RBM20: variants seen among roughly 807,000 people sequenced by gnomAD.
RBM20 encodes RNA binding motif protein 20.
RBM20 carries 51 observed loss-of-function variants against 110.1 expected under a neutral mutation model. The ratio of observed to expected loss-of-function variants is 0.46; its 90% CI spans 0.37 to 0.59. The LOEUF is 0.59. Ranked by LOEUF, RBM20 falls within the 20% of genes least tolerant of loss-of-function variation. The probability of loss-of-function intolerance (pLI) is 0.00; values close to 1 mark genes in which losing one functional copy is unlikely to be tolerated. For synonymous variants in RBM20, 589 were observed against 618.2 expected, an observed-to-expected ratio of 0.95 and a Z score of 0.70; for missense variants, 1,512 against 1,574.9, an observed-to-expected ratio of 0.96 and a Z score of 0.68.
chr10:110,794,898 G>A (rs1443593061), intron 5 of RBM20, among the ~76,000 whole-genome samples: 3 of 152,246 alleles, frequency 2.0e-5, no homozygotes, highest in Admixed American at 6.5e-5. Context: ...GCTGTGCTAT[G>A]TTCCAATAAA....
chr10:110,644,742 G>C lies in RBM20; in HGVS notation c.191+97G>C, dbSNP rs1338586423. On this transcript the variant is annotated intron_variant, in intron 1 of 13. Coordinates refer to ENST00000369519, the MANE Select transcript of RBM20 (RefSeq NM_001134363.3). The surrounding 1 kb of genome is among the most constrained non-coding windows in gnomAD (Gnocchi z 4.3). ...TCATTTCCCGTCCCTGCTGAACTTC[G>C]CTCGCCCCCCTTGGGTTTGAAGTTT... 9 of 948,234 alleles carry C rather than the reference G, an allele frequency of 9.5e-6. No homozygotes were observed. Among genetic ancestry groups the C allele is most frequent in the Non-Finnish European group, 1.5e-6 (1 of 678,034 alleles). 58.7% of individuals were successfully genotyped at this position (948,234 alleles called of 1,614,324 possible).
At chr10:110,773,832 TC>T (rs1292713059) in intron 1 of RBM20, among the ~76,000 whole-genome samples, 1 of 152,162 alleles carries the variant, frequency 6.6e-6, no homozygotes, top group Non-Finnish European at 1.5e-5. Flanking sequence ...GACTGCATAG[TC>T]CCCTGGTTCT....
At chr10:110,719,345 T>C (rs1226235152) in intron 1 of RBM20, among the ~76,000 whole-genome samples, 4 of 152,258 alleles carry the variant, frequency 2.6e-5, no homozygotes, top group African/African-American at 9.6e-5. Context: ...ACAGAGGTCT[T>C]GGTCTCTTGC....
At chr10:110,756,740 C>G (rs773297740) in intron 1 of RBM20, 4 of 152,216 alleles carry the variant, frequency 2.6e-5, no homozygotes, top group Admixed American at 6.5e-5. Context: ...AGGTCTTATA[C>G]AACCTTGTGG....
intron 1 of RBM20, among the ~76,000 whole-genome samples, chr10:110,698,239 A>G (rs1490266795): frequency 4.8e-5 from 6 of 123,842 alleles, no homozygotes; most frequent in East Asian, 2.1e-4. Flanking sequence ...CACAGGCCCT[A>G]TGGGCAAAGA....
rs368692005 is a variant in RBM20 at position 110,720,320 on chromosome 10, C to T, written c.192-60481C>T. ...AATGTCTGGGAATCCTGTGTCCACC[C>T]GGCCACCAGCAGGGGACTAGCTGCT... On this transcript the variant is annotated intron_variant, in intron 1 of 13. Coordinates refer to ENST00000369519, the MANE Select transcript of RBM20 (RefSeq NM_001134363.3). 3.1e-3 allele frequency among the ~76,000 whole-genome samples: 469 copies of T among 152,280 alleles called. 1 individual carries two copies. The highest frequency in any genetic ancestry group is 0.011 in the African/African-American group (448 of 41,554).
At chr10:110,729,514 T>G (rs1843597729) in intron 1 of RBM20, among the ~76,000 whole-genome samples, 3 of 152,232 alleles carry the variant, frequency 2.0e-5, no homozygotes, top group Admixed American at 1.3e-4. Flanking sequence ...TTGATTAATA[T>G]CTATCTCTTC....
intron 1 of RBM20, among the ~76,000 whole-genome samples, chr10:110,745,342 G>A (rs1166920799): frequency 6.6e-6 from 1 of 152,136 alleles, no homozygotes; most frequent in African/African-American, 2.4e-5. Flanking sequence ...GGTTTGAACA[G>A]TGCAAGCCTC....
chr10:110,699,410 T>C (rs1019042879), intron 1 of RBM20, among the ~76,000 whole-genome samples: 6 of 151,916 alleles, frequency 3.9e-5, no homozygotes, highest in Admixed American at 1.3e-4. Flanking sequence ...TAGCTGAGAT[T>C]ACAGGCGCTG....
At chr10:110,814,188 T>C (rs1404003311) in intron 9 of RBM20, among the ~76,000 whole-genome samples, 2 of 152,250 alleles carry the variant, frequency 1.3e-5, no homozygotes, top group Non-Finnish European at 2.9e-5. Flanking sequence ...TTTTGGATGC[T>C]ACTTCAGCAT....
chr10:110,789,303 G>A (rs1590680632), intron 5 of RBM20, among the ~76,000 whole-genome samples: 1 of 152,150 alleles, frequency 6.6e-6, no homozygotes, highest in African/African-American at 2.4e-5. Context: ...AAGACCATCT[G>A]CCACTGCCAC....
At chr10:110,719,117 A>T (rs1219878826) in intron 1 of RBM20, among the ~76,000 whole-genome samples, 1 of 152,250 alleles carries the variant, frequency 6.6e-6, no homozygotes, top group African/African-American at 2.4e-5. Flanking sequence ...GTTGCAGAGC[A>T]TGTATGTGAC....
Position 110,812,372 on chromosome 10 carries a change from C to T in RBM20, c.1975C>T (p.His659Tyr), listed in dbSNP as rs763208424. 2.6e-6 allele frequency: 4 copies of T among 1,551,560 alleles called. No individual in the cohort carries two copies. The highest frequency in any genetic ancestry group is 3.5e-6 in the Non-Finnish European group (4 of 1,147,020). The change falls in exon 9 of 14, where the codon CAC becomes TAC. Residue 659 changes from histidine (H) to tyrosine (Y), a missense_variant. Physicochemically the swap from His to Tyr is moderately conservative, Grantham distance 83 (BLOSUM62 2). Around this residue, in one of 3 missense-constraint regions of RBM20, gnomAD observed 1,149 missense variants for 1,169.4 expected, o/e 0.98. Transcript: ENST00000369519. ...TPSFTSCSSS[H>Y]SPPGPSRADW... ...CAGCTTCACCTCCTGCAGCTCTTCCCACAGCCCTCCGGGCCCCTCCCGGGC... is the reference window on the plus strand; with the variant it reads ...CAGCTTCACCTCCTGCAGCTCTTCCTACAGCCCTCCGGGCCCCTCCCGGGC...
chr10:110,719,814 A>G (rs997433919), intron 1 of RBM20, among the ~76,000 whole-genome samples: 2 of 152,302 alleles, frequency 1.3e-5, no homozygotes, highest in East Asian at 1.9e-4. Flanking sequence ...TTAAGGATTC[A>G]ATGAGATAAT....
At chr10:110,668,528 C>A (rs1051581018) in intron 1 of RBM20, among the ~76,000 whole-genome samples, 1 of 151,930 alleles carries the variant, frequency 6.6e-6, no homozygotes, top group South Asian at 2.1e-4. Flanking sequence ...ATAGGGGAGA[C>A]CTTGTCATTC....
intron 1 of RBM20, among the ~76,000 whole-genome samples, chr10:110,747,681 C>T (rs1445732307): frequency 6.6e-6 from 1 of 152,228 alleles, no homozygotes; most frequent in African/African-American, 2.4e-5. Flanking sequence ...GTAAGTGATG[C>T]ATCCAAGGCT....
chr10:110,650,447 C>G (rs999735762), intron 1 of RBM20, among the ~76,000 whole-genome samples: 2 of 152,204 alleles, frequency 1.3e-5, no homozygotes, highest in African/African-American at 4.8e-5. Flanking sequence ...GTGTTCATAA[C>G]TCACAGCTCA....
intron 9 of RBM20, among the ~76,000 whole-genome samples, chr10:110,816,207 A>G (rs543398474): frequency 2.6e-5 from 4 of 151,244 alleles, no homozygotes; most frequent in African/African-American, 9.8e-5. Context: ...ACTCATGGCC[A>G]CATTCTCTAC....
intron 7 of RBM20, among the ~76,000 whole-genome samples, chr10:110,806,702 G>A (rs1310183462): frequency 2.6e-5 from 4 of 152,120 alleles, no homozygotes; most frequent in Non-Finnish European, 5.9e-5. Flanking sequence ...TGGATTCTTC[G>A]GGGTTCAGTA....
Sources: allele counts gnomAD v4.1 joint callset (sites outside exome capture counted in the v4.1 genomes callset), GRCh38; gene constraint gnomAD v4.1.1; regional missense constraint gnomAD v4.1.1; non-coding constraint Gnocchi (gnomAD v3.1); transcripts MANE v1.5; gene names NCBI Gene and HGNC (gene_info 2026-07-23, HGNC 2026-07-21).